DLG2: variants seen among roughly 807,000 people sequenced by gnomAD.
DLG2 encodes discs large MAGUK scaffold protein 2, also known as disks large homolog 2.
In DLG2, 45 loss-of-function variants were observed where a neutral mutation model predicts 132.5. The observed-to-expected ratio is 0.34, with a 90% CI of 0.27 to 0.44. DLG2 has a LOEUF of 0.44. Among genes scored for constraint, DLG2 ranks in the 20% least tolerant of loss-of-function variants. The pLI, the probability that DLG2 is intolerant of heterozygous loss-of-function variation, is 1.00. For synonymous variants in DLG2, 424 were observed against 419.6 expected (o/e 1.01, Z -0.13); for missense variants, 1,045 against 1,196.9 (o/e 0.87, Z 1.87).
At chr11:84,766,102 T>G (rs1037288694) in intron 6 of DLG2, among the ~76,000 whole-genome samples, 3 of 152,016 alleles carry the variant, frequency 2.0e-5, no homozygotes, top group African/African-American at 7.2e-5. Context: ...TCACCTAACT[T>G]ATTACTGACA....
chr11:84,750,111 C>G (rs2065913351), intron 6 of DLG2, among the ~76,000 whole-genome samples: 1 of 152,052 alleles, frequency 6.6e-6, no homozygotes, highest in African/African-American at 2.4e-5. Context: ...TAAAGGAAGA[C>G]TATTAGATTT....
At chr11:85,207,401 T>C (rs979389834) in intron 4 of DLG2, among the ~76,000 whole-genome samples, 1 of 152,202 alleles carries the variant, frequency 6.6e-6, no homozygotes, top group Admixed American at 6.5e-5. Context: ...TTTAAAACAA[T>C]TATAAATCCA....
At chr11:84,861,930 G>A (rs937493723) in intron 6 of DLG2, among the ~76,000 whole-genome samples, 42 of 150,004 alleles carry the variant, frequency 2.8e-4, no homozygotes, top group African/African-American at 9.1e-4. Flanking sequence ...GTAAACTATC[G>A]CAAGAACAAA....
At position 84,076,445 on chromosome 11, in the gene DLG2, C is replaced by T. The variant is rs577750389; in HGVS notation, c.750-16961G>A. Among the ~76,000 whole-genome samples the T allele has an allele frequency of 1.8e-4, 27 of 152,248 alleles. No individual in the cohort carries two copies. The South Asian group carries it at 1.9e-3, about 11-fold the overall frequency. ...GTTTCATTGTTAAAATCAAGACCTA[C>T]GCCACGCGATTATTGCTACATTTTC... On this transcript the variant is annotated intron_variant, in intron 10 of 27. Coordinates refer to ENST00000376104, the MANE Select transcript of DLG2 (RefSeq NM_001142699.3).
intron 6 of DLG2, among the ~76,000 whole-genome samples, chr11:84,846,413 A>G (rs1044931033): frequency 6.6e-6 from 1 of 152,094 alleles, no homozygotes; most frequent in African/African-American, 2.4e-5. Context: ...CCTATTACTC[A>G]TCCTTCACAA....
intron 6 of DLG2, among the ~76,000 whole-genome samples, chr11:84,583,381 G>A (rs904318982): frequency 6.6e-6 from 1 of 152,144 alleles, no homozygotes; most frequent in Non-Finnish European, 1.5e-5. Context: ...TTTCATGTCT[G>A]TCATCTCTTT....
At chr11:84,543,618 T>A (rs1208945693) in intron 6 of DLG2, among the ~76,000 whole-genome samples, 1 of 152,126 alleles carries the variant, frequency 6.6e-6, no homozygotes, top group African/African-American at 2.4e-5. Context: ...TGATAAATGT[T>A]TGTTGAATAA....
intron 6 of DLG2, among the ~76,000 whole-genome samples, chr11:84,654,306 G>A (rs1046448109): frequency 2.6e-5 from 4 of 152,122 alleles, no homozygotes; most frequent in Admixed American, 1.3e-4. Flanking sequence ...TAAACTCTGT[G>A]AGGGCAGGGG....
chr11:84,201,506 G>C (rs1202143533), intron 8 of DLG2, among the ~76,000 whole-genome samples: 1 of 151,802 alleles, frequency 6.6e-6, no homozygotes, highest in South Asian at 2.1e-4. Flanking sequence ...TTTTGGAACA[G>C]TTTCAGTAGA....
chr11:84,873,466 C>T (rs893080823), intron 6 of DLG2, among the ~76,000 whole-genome samples: 4 of 152,142 alleles, frequency 2.6e-5, no homozygotes, highest in African/African-American at 7.2e-5. Context: ...TGTTTTAAAC[C>T]ACTGAGTTGT....
At chr11:85,373,809 G>A (rs760347818) in intron 3 of DLG2, among the ~76,000 whole-genome samples, 11 of 152,058 alleles carry the variant, frequency 7.2e-5, no homozygotes, top group East Asian at 1.9e-4. Flanking sequence ...CAAGAACCAC[G>A]TCTTTAGCTG....
chr11:84,510,871 A>G (rs1040977107), intron 7 of DLG2, among the ~76,000 whole-genome samples: 3 of 152,030 alleles, frequency 2.0e-5, no homozygotes, highest in African/African-American at 7.2e-5. Flanking sequence ...AGAGAGTTTA[A>G]TAGGCTCAAA....
intron 11 of DLG2, among the ~76,000 whole-genome samples, chr11:83,983,342 G>T (rs891651845): frequency 6.6e-6 from 1 of 151,810 alleles, no homozygotes; most frequent in Non-Finnish European, 1.5e-5. Context: ...TAGCTTACTT[G>T]GCTTAAGACT....
intron 4 of DLG2, among the ~76,000 whole-genome samples, chr11:85,187,325 A>AAAGCCAAAGGGGGAG (rs2080186756): frequency 6.6e-6 from 1 of 152,134 alleles, no homozygotes; most frequent in Non-Finnish European, 1.5e-5. Flanking sequence ...ACCTATATGA[A>AAAGCCAAAGGGGGAG]AAGCCAAAGG....
At chr11:84,931,425 T>G (rs901646771) in intron 6 of DLG2, among the ~76,000 whole-genome samples, 3 of 152,170 alleles carry the variant, frequency 2.0e-5, no homozygotes, top group Non-Finnish European at 4.4e-5. Context: ...GTATTTGCTT[T>G]TCTATTCCTG....
At chr11:85,628,178 C>T (rs956288403), upstream of DLG2, among the ~76,000 whole-genome samples, 1 of 152,154 alleles carries the variant, frequency 6.6e-6, no homozygotes. Flanking sequence ...GCCCGAGAAA[C>T]AGAGCTTTAA....
At chr11:83,491,517 A>G (rs1167454023) in intron 21 of DLG2, among the ~76,000 whole-genome samples, 2 of 152,060 alleles carry the variant, frequency 1.3e-5, no homozygotes, top group Non-Finnish European at 2.9e-5. Context: ...AAGACTGATC[A>G]TGCTAAATAA....
At chr11:83,919,237 C>G (rs1341972863) in intron 15 of DLG2, among the ~76,000 whole-genome samples, 3 of 152,094 alleles carry the variant, frequency 2.0e-5, no homozygotes, top group African/African-American at 7.2e-5. Context: ...TCCTCATGTC[C>G]AGTGTAGCTT....
In DLG2 at chr11:85,027,166, G is replaced by A. The variant is rs1369609120; in HGVS notation, c.357+84495C>T. Reference sequence around the variant, plus strand: ...AAAGTTGTAAAGCAGCATATACAGTGTGGTCTCTTTTTTTTTTTTTTTTTT... The same window carrying A: ...AAAGTTGTAAAGCAGCATATACAGTATGGTCTCTTTTTTTTTTTTTTTTTT... On this transcript the variant is annotated intron_variant, in intron 6 of 27. Transcript: ENST00000376104. Among the ~76,000 whole-genome samples the A allele has an allele frequency of 2.3e-5, 3 of 130,612 alleles. No homozygotes were observed. The Admixed American group carries it at 2.4e-4, about 11-fold the overall frequency. The allele number at this position is 130,612 out of a possible 152,430, so 85.7% of individuals were successfully genotyped here. A position where few individuals can be genotyped will look rare whatever the true frequency, so the allele number is the denominator to read the frequency against.
Sources: allele counts gnomAD v4.1 joint callset (sites outside exome capture counted in the v4.1 genomes callset), GRCh38; gene constraint gnomAD v4.1.1; transcripts MANE v1.5; gene names NCBI Gene and HGNC (gene_info 2026-07-23, HGNC 2026-07-21).